Variants in TLL1 observed in about 807,000 individuals in gnomAD.
TLL1 encodes tolloid like 1.
In TLL1, 49 loss-of-function variants were observed where a neutral mutation model predicts 128.2. The observed-to-expected ratio is 0.38, with a 90% confidence interval of 0.30 to 0.48. The LOEUF is 0.48. TLL1 is among the 20% of genes least tolerant of loss of function. The probability of loss-of-function intolerance (pLI) is 0.96; values close to 1 mark genes in which losing one functional copy is unlikely to be tolerated. For missense variants in TLL1, 1,123 were observed against 1,242.0 expected, an observed-to-expected ratio of 0.90 and a Z score of 1.44; for synonymous variants, 454 against 418.8, an observed-to-expected ratio of 1.08 and a Z score of -1.03.
At chr4:166,062,923 C>T (rs1740396255) in intron 15 of TLL1, among the ~76,000 whole-genome samples, 1 of 152,096 alleles carries the variant, frequency 6.6e-6, no homozygotes, top group Non-Finnish European at 1.5e-5. Context: ...GAGTTTTTAG[C>T]ATGAAGGGCT....
intron 1 of TLL1, among the ~76,000 whole-genome samples, chr4:165,920,502 A>G (rs1441356018): frequency 6.6e-6 from 1 of 152,228 alleles, no homozygotes; most frequent in Non-Finnish European, 1.5e-5. Flanking sequence ...TGCCATGTAC[A>G]CAAATGGACA....
At chr4:165,896,719 A>G (rs181321275) in intron 1 of TLL1, among the ~76,000 whole-genome samples, 18 of 152,108 alleles carry the variant, frequency 1.2e-4, no homozygotes, top group Non-Finnish European at 8.8e-5. Context: ...TCCTGACCTC[A>G]TGATCTGCCC....
chr4:165,879,903 C>G (rs1306032384), intron 1 of TLL1, among the ~76,000 whole-genome samples: 1 of 152,050 alleles, frequency 6.6e-6, no homozygotes, highest in Non-Finnish European at 1.5e-5. Context: ...CTTAACAGTT[C>G]TTTCATATTC....
chr4:166,031,381 T>G (rs1327573655), intron 9 of TLL1, among the ~76,000 whole-genome samples: 41 of 135,998 alleles, frequency 3.0e-4, no homozygotes, highest in African/African-American at 9.5e-4. Context: ...TTTTTTTTTT[T>G]TTTTTGACAT....
chr4:165,934,278 G>A (rs934342818), intron 1 of TLL1, among the ~76,000 whole-genome samples: 2 of 150,248 alleles, frequency 1.3e-5, no homozygotes, highest in African/African-American at 4.9e-5. Flanking sequence ...GCCTCCCAAA[G>A]TGCTGGGATT....
chr4:166,075,687 G>A (rs1740989571), intron 17 of TLL1, among the ~76,000 whole-genome samples: 1 of 152,052 alleles, frequency 6.6e-6, no homozygotes. Context: ...GTCTGTTCCC[G>A]AATTTTCTAC....
rs1392268242 is a variant in TLL1, at chr4:165,906,865, AG to A, written c.169+32794del. On this transcript the variant is annotated intron_variant, in intron 1 of 20. Coordinates refer to ENST00000061240, the MANE Select transcript of TLL1 (RefSeq NM_012464.5). ...TTTTTTTGGTTCAGTGTCATATCCA[AG>A]GAACTGTTCCACCAAGGAATCAGAA... 2.0e-5 allele frequency among the ~76,000 whole-genome samples: 3 copies of A among 149,982 alleles called. No individual in the cohort carries two copies. In the East Asian group the frequency reaches 5.9e-4, roughly 29 times the overall value.
chr4:165,921,826 GT>G (rs570259297), intron 1 of TLL1, among the ~76,000 whole-genome samples: 1 of 151,724 alleles, frequency 6.6e-6, no homozygotes, highest in Non-Finnish European at 1.5e-5. Context: ...ACCACTTACA[GT>G]TTTTTTTAAA....
chr4:166,040,390 A>G (rs1486395568), intron 10 of TLL1, among the ~76,000 whole-genome samples: 2 of 152,176 alleles, frequency 1.3e-5, no homozygotes, highest in African/African-American at 2.4e-5. Flanking sequence ...AGATGAAGCA[A>G]TTTTTTACAT....
At chr4:166,068,892 G>C (rs1184528697) in intron 16 of TLL1, among the ~76,000 whole-genome samples, 1 of 151,782 alleles carries the variant, frequency 6.6e-6, no homozygotes, top group Admixed American at 6.6e-5. Flanking sequence ...GCATGAAACA[G>C]TGCATGCAGT....
intron 7 of TLL1, among the ~76,000 whole-genome samples, chr4:166,009,313 T>C (rs28712271): frequency 0.012 from 1,836 of 151,606 alleles, 48 homozygotes; most frequent in African/African-American, 0.04. Flanking sequence ...TACTGAGTTA[T>C]ATTGTTTAGA....
rs1561024638 is a variant in TLL1 at position 165,913,100 on chromosome 4, T to C, written c.169+39027T>C. On this transcript the variant is annotated intron_variant, in intron 1 of 20. Coordinates refer to ENST00000061240, the MANE Select transcript of TLL1 (RefSeq NM_012464.5). ...TCGGCCAATTTCCCAATGGATACTTTTCTTATTTAAATAACAAGTCCAGAT... is the reference window on the plus strand; with the variant it reads ...TCGGCCAATTTCCCAATGGATACTTCTCTTATTTAAATAACAAGTCCAGAT... Among the ~76,000 whole-genome samples the C allele has an allele frequency of 2.0e-5, 3 of 152,312 alleles. No individual in the cohort carries two copies. The East Asian group carries it at 5.8e-4, about 29-fold the overall frequency.
chr4:165,884,569 C>T (rs1731091881), intron 1 of TLL1, among the ~76,000 whole-genome samples: 1 of 152,194 alleles, frequency 6.6e-6, no homozygotes, highest in Admixed American at 6.5e-5. Context: ...GGCGCAGTGG[C>T]TCATGCCTGT....
At chr4:166,065,646 C>G in intron 15 of TLL1, 37 bp from the exon 16 acceptor site, 1 of 1,602,868 alleles carries the variant, frequency 6.2e-7, no homozygotes. Context: ...ATCTTGTACT[C>G]ACAAATCTGG....
chr4:166,079,174 A>AATC (rs1410032578), intron 18 of TLL1, among the ~76,000 whole-genome samples: 1 of 152,172 alleles, frequency 6.6e-6, no homozygotes, highest in Non-Finnish European at 1.5e-5. Flanking sequence ...CCTGATTGAG[A>AATC]GGATGATTCC....
intron 6 of TLL1, among the ~76,000 whole-genome samples, chr4:166,007,637 C>A (rs779103934): frequency 3.3e-5 from 5 of 151,524 alleles, no homozygotes; most frequent in Non-Finnish European, 7.4e-5. Context: ...ACCAAAAGTG[C>A]AGTAAGATTT....
At chr4:165,987,136 C>A (rs541221347) in intron 1 of TLL1, among the ~76,000 whole-genome samples, 48 of 152,006 alleles carry the variant, frequency 3.2e-4, no homozygotes, top group Non-Finnish European at 3.4e-4. Flanking sequence ...TGAAGCACTG[C>A]TTCAGTGTCT....
rs531782410 is a variant in TLL1 at position 166,035,748 on chromosome 4, A to T, written c.1159-3591A>T. On this transcript the variant is annotated intron_variant, in intron 9 of 20. Transcript: ENST00000061240. The stretch of plus-strand genomic sequence containing the variant: ...ATAGAGTAAATATATTGGTTTTTGC[A>T]GGCTGTACAGTATTTGTCACAAATA... Among the ~76,000 whole-genome samples the T allele has an allele frequency of 2.0e-5, 3 of 152,300 alleles. No individual in the cohort carries two copies. The South Asian group carries it at 6.2e-4, about 32-fold the overall frequency.
chr4:165,986,475 T>C (rs1394943366), intron 1 of TLL1, among the ~76,000 whole-genome samples: 2 of 152,080 alleles, frequency 1.3e-5, no homozygotes, highest in Non-Finnish European at 2.9e-5. Flanking sequence ...GTATATGGGC[T>C]ACAGTGTGTC....
Sources: allele counts gnomAD v4.1 joint callset (sites outside exome capture counted in the v4.1 genomes callset), GRCh38; gene constraint gnomAD v4.1.1; transcripts MANE v1.5; gene names NCBI Gene and HGNC (gene_info 2026-07-23, HGNC 2026-07-21).